Variants in NFXL1 observed in about 807,000 individuals in gnomAD.
The protein encoded by NFXL1 is NF-X1-type zinc finger protein NFXL1.
A neutral mutation model predicts 123.3 loss-of-function variants in NFXL1; 66 were observed. The ratio of observed to expected loss-of-function variants is 0.54; its 90% CI spans 0.44 to 0.66. The LOEUF (loss-of-function observed/expected upper bound fraction) is 0.66, where lower values mean the gene tolerates loss of function less well. Ranked by LOEUF, NFXL1 falls within the 30% of genes least tolerant of loss-of-function variation. The pLI, the probability that NFXL1 is intolerant of heterozygous loss-of-function variation, is 0.00. For missense variants in NFXL1, 944 were observed against 1,125.6 expected, an observed-to-expected ratio of 0.84 and a Z score of 2.31; for synonymous variants, 346 against 360.8, an observed-to-expected ratio of 0.96 and a Z score of 0.46.
At chr4:47,855,010 C>A in intron 20 of NFXL1, 49 bp downstream of exon 20, 1 of 785,832 alleles carries the variant, frequency 1.3e-6, no homozygotes, top group Non-Finnish European at 1.9e-6. Context: ...GAAAACCACA[C>A]AAAAACAACT....
At chr4:47,882,474 A>T (rs946612795) in intron 15 of NFXL1, 8 of 152,236 alleles carry the variant, frequency 5.3e-5, no homozygotes, top group Non-Finnish European at 8.8e-5. Context: ...GAGGATAACA[A>T]AATGGAAAGA....
chr4:47,851,668 T>A (rs1734125263), intron 21 of NFXL1, among the ~76,000 whole-genome samples, 188 bp downstream of exon 21: 1 of 151,988 alleles, frequency 6.6e-6, no homozygotes, highest in Non-Finnish European at 1.5e-5. Flanking sequence ...GCATAGAAGA[T>A]GAAAAGCCTT....
At chr4:47,869,033 G>C (rs1578001796) in intron 18 of NFXL1, among the ~76,000 whole-genome samples, 1 of 152,048 alleles carries the variant, frequency 6.6e-6, no homozygotes, top group Admixed American at 6.5e-5. Context: ...ACCAACCTGG[G>C]CAATACAATG....
At chr4:47,906,553 A>G (rs1737572988) in intron 3 of NFXL1, among the ~76,000 whole-genome samples, 1 of 152,176 alleles carries the variant, frequency 6.6e-6, no homozygotes, top group Non-Finnish European at 1.5e-5. Flanking sequence ...TATTAAAGAC[A>G]GTTGCTTTAT....
At chr4:47,871,892 AG>A (rs1442317633) in intron 18 of NFXL1, among the ~76,000 whole-genome samples, 8 of 152,250 alleles carry the variant, frequency 5.3e-5, no homozygotes, top group Non-Finnish European at 1.2e-4. Flanking sequence ...TATGAAATAA[AG>A]TAATATTCCC....
At chr4:47,866,368 A>G (rs1431483140) in intron 18 of NFXL1, among the ~76,000 whole-genome samples, 1 of 152,204 alleles carries the variant, frequency 6.6e-6, no homozygotes, top group African/African-American at 2.4e-5. Context: ...ACCATTTAAA[A>G]AATTGTATTT....
At position 47,913,991 on chromosome 4, in the gene NFXL1, G is replaced by A. The variant is rs925324212; in HGVS notation, c.213C>T (p.Ala71=). Residue 71 remains alanine (A), a synonymous_variant, in exon 2 of 23, where the codon GCC becomes GCT. Transcript: ENST00000507489. ...CACCGCTGGCTGCGGTAGTCTGCAGGGCTTGGGATCCTGCGGGGCTGTGCC... is the reference window on the plus strand; with the variant it reads ...CACCGCTGGCTGCGGTAGTCTGCAGAGCTTGGGATCCTGCGGGGCTGTGCC... ...GSRHSPAGSQ[A]LQTTAASELM... is the part of the protein sequence containing the mutation. The A allele has an allele frequency of 1.2e-4, 182 of 1,547,592 alleles. No homozygotes were observed. Among genetic ancestry groups the A allele is most frequent in the Non-Finnish European group, 1.6e-4 (182 of 1,146,502 alleles).
chr4:47,855,045 C>A lies in NFXL1; in HGVS notation c.2421+14G>T. ...TTATATAGAAAAGTATTTTCAATAA[C>A]TTAAAATATTTACCTTTTTTATTCT... is the stretch of plus-strand genomic sequence containing the variant. On this transcript the variant is annotated intron_variant, in intron 20 of 22. Coordinates refer to ENST00000507489, the MANE Select transcript of NFXL1 (RefSeq NM_001278624.2). 2 of 1,131,038 alleles carry A rather than the reference C, an allele frequency of 1.8e-6. No homozygotes were observed. The highest frequency in any genetic ancestry group is 1.3e-6 in the Non-Finnish European group (1 of 786,780). The allele number at this position is 1,131,038 out of a possible 1,614,324, so 70.1% of individuals were successfully genotyped here.
At chr4:47,856,311 A>C (rs1734410428) in intron 19 of NFXL1, among the ~76,000 whole-genome samples, 1 of 152,184 alleles carries the variant, frequency 6.6e-6, no homozygotes, top group African/African-American at 2.4e-5. Context: ...TTATTATAAT[A>C]AAAGTTGTTA....
In NFXL1 at chr4:47,894,999, T is replaced by G. The variant is rs1737001804; in HGVS notation, c.1330-697A>C. 1.3e-5 allele frequency among the ~76,000 whole-genome samples: 2 copies of G among 152,172 alleles called. 1 individual carries two copies. The highest frequency in any genetic ancestry group is 4.1e-4 in the South Asian group (2 of 4,830). On this transcript the variant is annotated intron_variant, in intron 10 of 22. Transcript: ENST00000507489. Reference sequence around the variant, plus strand: ...GATCCATGGGCTGCAGAATGGATATTGTGTTGGCAGACATGGCATAAAAAC... The same window carrying G: ...GATCCATGGGCTGCAGAATGGATATGGTGTTGGCAGACATGGCATAAAAAC...
At chr4:47,866,835 A>G (rs1450602833) in intron 18 of NFXL1, among the ~76,000 whole-genome samples, 1 of 152,236 alleles carries the variant, frequency 6.6e-6, no homozygotes, top group Non-Finnish European at 1.5e-5. Context: ...GAACTCTGGT[A>G]TGTACCAGGT....
At chr4:47,890,739 C>A (rs929954917) in intron 11 of NFXL1, 36 bp from the exon 12 acceptor site, 3 of 1,223,018 alleles carry the variant, frequency 2.5e-6, no homozygotes, top group African/African-American at 1.5e-5. Flanking sequence ...ACAGGTAATT[C>A]AAAAACCCAT....
At chr4:47,890,494 G>A (rs1310195251) in intron 12 of NFXL1, 119 bp downstream of exon 12, 1 of 619,728 alleles carries the variant, frequency 1.6e-6, no homozygotes, top group African/African-American at 1.9e-5. Flanking sequence ...GGTTAAGAGA[G>A]TCAAGTGAGA....
chr4:47,875,503 T>C (rs1490694726), intron 17 of NFXL1, among the ~76,000 whole-genome samples: 1 of 152,204 alleles, frequency 6.6e-6, no homozygotes, highest in Admixed American at 6.5e-5. Flanking sequence ...ATTATTCATA[T>C]AGATTTTTTT....
intron 22 of NFXL1, among the ~76,000 whole-genome samples, chr4:47,849,900 G>A (rs1024983681): frequency 7.9e-5 from 12 of 151,724 alleles, no homozygotes; most frequent in African/African-American, 2.9e-4. Flanking sequence ...TAATAACAAT[G>A]TAAATGCTAT....
chr4:47,874,733 A>T (rs1735642460), intron 18 of NFXL1, among the ~76,000 whole-genome samples: 1 of 152,194 alleles, frequency 6.6e-6, no homozygotes, highest in Admixed American at 6.5e-5. Flanking sequence ...TAAAAAACTC[A>T]GTATCTGCCA....
Position 47,884,324 on chromosome 4 carries a change from TAA to T in NFXL1, c.1916+20_1916+21del, listed in dbSNP as rs748362890. 7 of 1,388,952 alleles carry T rather than the reference TAA, an allele frequency of 5.0e-6. No individual in the cohort carries two copies. The highest frequency in any genetic ancestry group is 6.0e-6 in the Non-Finnish European group (6 of 997,442). The allele number at this position is 1,388,952 out of a possible 1,614,324, so 86.0% of individuals were successfully genotyped here. A position where few individuals can be genotyped will look rare whatever the true frequency, so the allele number is the denominator to read the frequency against. On this transcript the variant is annotated intron_variant, in intron 15 of 22. Coordinates refer to ENST00000507489, the MANE Select transcript of NFXL1 (RefSeq NM_001278624.2). ...TCAAAAGTTTTTTGTTTTTTTTTTTTAATTGAAATTCTAATACTTACATAGGA... is the reference window on the plus strand; with the variant it reads ...TCAAAAGTTTTTTGTTTTTTTTTTTTTTGAAATTCTAATACTTACATAGGA...
intron 19 of NFXL1, among the ~76,000 whole-genome samples, chr4:47,856,039 T>C (rs1249356536): frequency 6.6e-6 from 1 of 152,146 alleles, no homozygotes; most frequent in African/African-American, 2.4e-5. Flanking sequence ...TGTCTTGAAA[T>C]TTTGCAAAAA....
chr4:47,888,747 TA>T (rs1212418205), intron 12 of NFXL1, among the ~76,000 whole-genome samples: 2 of 151,762 alleles, frequency 1.3e-5, no homozygotes, highest in Non-Finnish European at 2.9e-5. Context: ...AAATAAGTCA[TA>T]AGGGGAAAAA....
Sources: gnomAD v4.1 joint callset for allele counts (sites outside exome capture counted in the v4.1 genomes callset) on GRCh38, gnomAD v4.1.1 for gene constraint, MANE v1.5 for transcripts, NCBI Gene and HGNC (gene_info 2026-07-23, HGNC 2026-07-21) for gene names.